Variants in CDH8 observed in about 807,000 individuals in gnomAD.
CDH8 encodes cadherin 8.
A neutral mutation model predicts 68.1 loss-of-function variants in CDH8; 17 were observed. The observed-to-expected ratio is 0.25, with a 90% confidence interval of 0.17 to 0.37. The LOEUF is 0.37. CDH8 is among the 10% of genes least tolerant of loss of function. The pLI is 1.00. For missense variants in CDH8, 763 were observed against 999.3 expected (o/e 0.76, Z 3.19); for synonymous variants, 372 against 365.1 (o/e 1.02, Z -0.21).
chr16:61,788,243 A>C (rs1961285927), intron 8 of CDH8, among the ~76,000 whole-genome samples: 1 of 152,140 alleles, frequency 6.6e-6, no homozygotes. Flanking sequence ...ACTCTTTTTT[A>C]AATACAAACA....
intron 7 of CDH8, among the ~76,000 whole-genome samples, chr16:61,812,106 C>A (rs1254196204): frequency 6.6e-6 from 1 of 152,038 alleles, no homozygotes; most frequent in East Asian, 1.9e-4. Context: ...ATGCTCCTTA[C>A]AGAAATTGAG....
intron 10 of CDH8, among the ~76,000 whole-genome samples, chr16:61,657,978 G>A (rs1197290998): frequency 6.6e-6 from 1 of 151,872 alleles, no homozygotes; most frequent in Non-Finnish European, 1.5e-5. Context: ...CTTTCTACAC[G>A]CAGAAGACTG....
intron 8 of CDH8, among the ~76,000 whole-genome samples, chr16:61,785,197 T>C (rs1420570395): frequency 1.7e-5 from 2 of 116,492 alleles, no homozygotes; most frequent in African/African-American, 6.7e-5. Flanking sequence ...CTAGCAAGAC[T>C]AATAAAGAAA....
In CDH8 at chr16:61,653,805, C is replaced by T. The variant is rs751591475; in HGVS notation, c.2203G>A (p.Asp735Asn). Residue 735 changes from aspartate (D) to asparagine (N), a missense_variant, in exon 12 of 12, where the codon GAT (aspartate) becomes AAT (asparagine). This residue lies in a region of CDH8 where 397 missense variants were observed against 436.2 expected (regional missense o/e 0.91). Coordinates refer to ENST00000577390, the MANE Select transcript of CDH8 (RefSeq NM_001796.5). ...INVRLHEADN[D>N]PTAPPYDSIQ... ...GAGTCATATGGCGGGGCCGTGGGAT[C>T]ATTATCTGCCTCATGCAGCCTTACA... is the stretch of plus-strand genomic sequence containing the variant. 2.0e-5 allele frequency: 33 copies of T among 1,614,082 alleles called. No homozygotes were observed. Among genetic ancestry groups the T allele is most frequent in the Non-Finnish European group, 2.8e-5 (33 of 1,180,052 alleles).
At chr16:61,700,932 A>G (rs1164344855) in intron 10 of CDH8, among the ~76,000 whole-genome samples, 1 of 152,262 alleles carries the variant, frequency 6.6e-6, no homozygotes, top group Admixed American at 6.5e-5. Context: ...CTTTGAAGTG[A>G]TATATGTGCT....
intron 7 of CDH8, among the ~76,000 whole-genome samples, chr16:61,802,151 C>G (rs1231231040): frequency 2.1e-4 from 26 of 124,736 alleles, no homozygotes; most frequent in Middle Eastern, 3.8e-3. Context: ...CAAGTGGGTC[C>G]CTGACCCCTG....
At chr16:61,890,969 T>A (rs1374957786) in intron 3 of CDH8, among the ~76,000 whole-genome samples, 1 of 152,136 alleles carries the variant, frequency 6.6e-6, no homozygotes, top group African/African-American at 2.4e-5. Context: ...AGTGAATAGT[T>A]CTATAATTTT....
Position 62,015,024 on chromosome 16 carries a change from C to A in CDH8, c.252+6128G>T, listed in dbSNP as rs188187569. 9.8e-3 allele frequency among the ~76,000 whole-genome samples: 1,484 copies of A among 152,126 alleles called. 11 individuals carry two copies. Among genetic ancestry groups the A allele is most frequent in the Non-Finnish European group, 0.016 (1,060 of 68,004 alleles). On this transcript the variant is annotated intron_variant, in intron 2 of 11. Transcript: ENST00000577390. ...CATATACCCCCCCACCACAAACACA[C>A]ACACACACACAGAGGCTGAGCATCT... is the stretch of plus-strand genomic sequence containing the variant.
In CDH8 at chr16:61,970,506, G is replaced by C. The variant is rs921428527; in HGVS notation, c.252+50646C>G. On this transcript the variant is annotated intron_variant, in intron 2 of 11. Transcript: ENST00000577390. The stretch of plus-strand genomic sequence containing the variant: ...CCTTAAAAATATATAATTTTTATTT[G>C]TCAATTATACATAAATAAAGCTGAA... Among the ~76,000 whole-genome samples, 5 of 152,164 alleles carry C rather than the reference G, an allele frequency of 3.3e-5. No homozygotes were observed. The East Asian group carries it at 9.6e-4, about 29-fold the overall frequency.
chr16:61,904,766 C>T (rs1964035626), intron 2 of CDH8, among the ~76,000 whole-genome samples: 1 of 152,138 alleles, frequency 6.6e-6, no homozygotes. Flanking sequence ...AAGAATATTT[C>T]ATGTGAAACA....
chr16:62,029,950 C>T (rs570659201), intron 1 of CDH8, among the ~76,000 whole-genome samples: 1 of 152,288 alleles, frequency 6.6e-6, no homozygotes, highest in African/African-American at 2.4e-5. Flanking sequence ...CACTTACATC[C>T]CATAATGGGG....
intron 7 of CDH8, among the ~76,000 whole-genome samples, chr16:61,798,157 G>A (rs939597517): frequency 2.6e-5 from 4 of 152,152 alleles, no homozygotes; most frequent in Admixed American, 6.6e-5. Context: ...AGTGCATTAT[G>A]AGAATTCTAA....
chr16:61,708,857 T>C (rs1319451359), intron 10 of CDH8, among the ~76,000 whole-genome samples: 1 of 152,164 alleles, frequency 6.6e-6, no homozygotes, highest in African/African-American at 2.4e-5. Flanking sequence ...TGATTCAACA[T>C]TGAAGAAATG....
At chr16:61,887,892 A>G (rs1231288913) in intron 3 of CDH8, among the ~76,000 whole-genome samples, 1 of 152,200 alleles carries the variant, frequency 6.6e-6, no homozygotes, top group African/African-American at 2.4e-5. Context: ...ACAGTGTTTT[A>G]CATGTACCTA....
intron 2 of CDH8, among the ~76,000 whole-genome samples, chr16:62,004,521 A>G (rs1965941769): frequency 6.6e-6 from 1 of 152,158 alleles, no homozygotes; most frequent in African/African-American, 2.4e-5. Context: ...AAAATAGACA[A>G]GCCACCGGGG....
At chr16:61,720,653 T>TA (rs901549198) in intron 9 of CDH8, among the ~76,000 whole-genome samples, 4 of 150,750 alleles carry the variant, frequency 2.7e-5, no homozygotes, top group African/African-American at 2.4e-5. Context: ...TAATTTTTTT[T>TA]AAAAAAATTT....
intron 8 of CDH8, among the ~76,000 whole-genome samples, chr16:61,760,658 G>A (rs1396178536): frequency 6.6e-6 from 1 of 152,028 alleles, no homozygotes; most frequent in African/African-American, 2.4e-5. Flanking sequence ...GAAATGTCTA[G>A]AAATATTTAA....
At chr16:62,014,776 T>C (rs1011892074) in intron 2 of CDH8, among the ~76,000 whole-genome samples, 9 of 151,492 alleles carry the variant, frequency 5.9e-5, no homozygotes, top group Non-Finnish European at 1.2e-4. Context: ...AGCAAGAGAG[T>C]TACATCCAAA....
chr16:61,817,312 C>A (rs1962097318), intron 7 of CDH8, among the ~76,000 whole-genome samples, 167 bp downstream of exon 7: 1 of 148,086 alleles, frequency 6.8e-6, no homozygotes, highest in Non-Finnish European at 1.5e-5. Flanking sequence ...CGTGTACACA[C>A]CACACACACA....
Sources: gnomAD v4.1 joint callset for allele counts (sites outside exome capture counted in the v4.1 genomes callset) on GRCh38, gnomAD v4.1.1 for gene constraint, gnomAD v4.1.1 regional missense constraint, MANE v1.5 for transcripts, NCBI Gene and HGNC (gene_info 2026-07-23, HGNC 2026-07-21) for gene names.